NRG1: variants seen among roughly 807,000 people sequenced by gnomAD.
The protein encoded by NRG1 is pro-neuregulin-1, membrane-bound isoform.
A neutral mutation model predicts 63.8 loss-of-function variants in NRG1; 18 were observed. The observed-to-expected ratio is 0.28, with a 90% CI of 0.19 to 0.42. The LOEUF is 0.42. Ranked by LOEUF, NRG1 falls within the 10% of genes least tolerant of loss-of-function variation. The pLI, the probability that NRG1 is intolerant of heterozygous loss-of-function variation, is 1.00. For synonymous variants in NRG1, 302 were observed against 301.3 expected, an observed-to-expected ratio of 1.00 and a Z score of -0.02; for missense variants, 762 against 814.7, an observed-to-expected ratio of 0.94 and a Z score of 0.79.
chr8:32,488,087 T>C (rs1164301306), intron 1 of NRG1, among the ~76,000 whole-genome samples: 1 of 152,196 alleles, frequency 6.6e-6, no homozygotes, highest in Non-Finnish European at 1.5e-5. Flanking sequence ...AGCACTTTCT[T>C]CTCTATTGTG....
At chr8:32,071,896 G>C (rs1825803611) in intron 1 of NRG1, among the ~76,000 whole-genome samples, 1 of 152,146 alleles carries the variant, frequency 6.6e-6, no homozygotes, top group African/African-American at 2.4e-5. Flanking sequence ...TTAACAAATG[G>C]TAAGCATTTT....
rs925963152 is a variant in NRG1, at chr8:32,713,960, G to T, written c.503-13989G>T. Among the ~76,000 whole-genome samples, 4 of 151,952 alleles carry T rather than the reference G, an allele frequency of 2.6e-5. No homozygotes were observed. The East Asian group carries it at 7.7e-4, about 29-fold the overall frequency. On this transcript the variant is annotated intron_variant, in intron 5 of 11. Transcript: ENST00000356819. ...CTGCCTCAGCCTCCCCAGTAGCTGG[G>T]ATTACAGGCACACACCACCATGCCC...
chr8:32,233,536 A>AATATATATATATATATAT (rs71541806), intron 1 of NRG1, among the ~76,000 whole-genome samples: 21 of 88,112 alleles, frequency 2.4e-4, no homozygotes, highest in South Asian at 1.1e-3. Flanking sequence ...AACTCGAAAG[A>AATATATATATATATATAT]ATATATATAT....
exon 1 of NRG1, chr8:32,548,745 G>A: frequency 6.3e-7 from 1 of 1,588,366 alleles, no homozygotes; most frequent in Non-Finnish European, 8.6e-7. Context: ...GCGCAAAGAA[G>A]GCAGAGGCAA....
At chr8:32,262,036 A>T (rs1340389261) in intron 1 of NRG1, among the ~76,000 whole-genome samples, 1 of 152,106 alleles carries the variant, frequency 6.6e-6, no homozygotes, top group African/African-American at 2.4e-5. Context: ...AAACTTACAT[A>T]ACCTTTTTGT....
intron 1 of NRG1, among the ~76,000 whole-genome samples, chr8:32,211,942 T>C (rs1844744762): frequency 6.6e-6 from 1 of 152,184 alleles, no homozygotes. Flanking sequence ...CTTTAGTCCA[T>C]TGATGGCTGT....
chr8:31,898,025 A>G (rs1462072962), intron 1 of NRG1, among the ~76,000 whole-genome samples: 1 of 151,640 alleles, frequency 6.6e-6, no homozygotes, highest in Non-Finnish European at 1.5e-5. Flanking sequence ...CTCAAAAAAA[A>G]AAAAAAAAAA....
At chr8:31,975,122 CTAAG>C (rs1238778007) in intron 1 of NRG1, among the ~76,000 whole-genome samples, 1 of 152,172 alleles carries the variant, frequency 6.6e-6, no homozygotes, top group African/African-American at 2.4e-5. Flanking sequence ...TTGATACCTA[CTAAG>C]TGTCAGATTT....
intron 1 of NRG1, among the ~76,000 whole-genome samples, chr8:31,785,981 G>GT (rs1820134546): frequency 6.6e-6 from 1 of 152,122 alleles, no homozygotes; most frequent in South Asian, 2.1e-4. Context: ...TTCACAGCGT[G>GT]TTACTATAAA....
At chr8:31,965,229 T>G (rs1171200360) in intron 1 of NRG1, among the ~76,000 whole-genome samples, 1 of 10,556 alleles carries the variant, frequency 9.5e-5, no homozygotes, top group Non-Finnish European at 4.5e-4. Flanking sequence ...TGTCTTTTAT[T>G]TTTTTTTTTT....
chr8:32,748,356 C>CAGAGAGAGAG (rs1194142025), intron 7 of NRG1, among the ~76,000 whole-genome samples: 3 of 81,070 alleles, frequency 3.7e-5, no homozygotes, highest in Admixed American at 1.6e-4. Flanking sequence ...CACACACACA[C>CAGAGAGAGAG]ACAGAGAGAG....
intron 1 of NRG1, among the ~76,000 whole-genome samples, chr8:32,443,050 T>A (rs1478722233): frequency 6.6e-6 from 1 of 152,108 alleles, no homozygotes; most frequent in East Asian, 1.9e-4. Context: ...TCCTTCCATC[T>A]TAGCCTCCCA....
At chr8:32,201,581 CACATGAAATGATTCATT>C in intron 1 of NRG1, among the ~76,000 whole-genome samples, 1 of 152,264 alleles carries the variant, frequency 6.6e-6, no homozygotes, top group African/African-American at 2.4e-5. Context: ...AATTTACTTA[CACATGAAATGATTCATT>C]ACATTTTCAA....
chr8:32,078,431 A>T (rs1045242463), intron 1 of NRG1, among the ~76,000 whole-genome samples: 1 of 152,152 alleles, frequency 6.6e-6, no homozygotes, highest in African/African-American at 2.4e-5. Context: ...CAAATCAACC[A>T]CTTTTCTTTA....
intron 1 of NRG1, among the ~76,000 whole-genome samples, chr8:31,775,153 T>A (rs1259979494): frequency 6.6e-6 from 1 of 152,230 alleles, no homozygotes. Flanking sequence ...CATATATTTA[T>A]CACAGTACTA....
At chr8:32,574,046 C>A (rs1839156142) in intron 1 of NRG1, among the ~76,000 whole-genome samples, 1 of 152,152 alleles carries the variant, frequency 6.6e-6, no homozygotes, top group Non-Finnish European at 1.5e-5. Flanking sequence ...TTAATCCAGT[C>A]TATCATTGTT....
intron 1 of NRG1, among the ~76,000 whole-genome samples, chr8:31,764,562 A>G (rs1388613892): frequency 6.6e-6 from 1 of 152,164 alleles, no homozygotes; most frequent in Non-Finnish European, 1.5e-5. Flanking sequence ...TAGCAATTCT[A>G]ATTTTTCTCC....
At chr8:32,106,735 A>G (rs549534019) in intron 1 of NRG1, among the ~76,000 whole-genome samples, 2 of 152,308 alleles carry the variant, frequency 1.3e-5, no homozygotes, top group East Asian at 3.9e-4. Flanking sequence ...AAATGCATAC[A>G]TAATTTACTC....
intron 1 of NRG1, among the ~76,000 whole-genome samples, chr8:32,261,487 G>C (rs1850369569): frequency 6.6e-6 from 1 of 151,990 alleles, no homozygotes; most frequent in Non-Finnish European, 1.5e-5. Context: ...AGACATTGCT[G>C]ACACATGGAC....
Sources: gnomAD v4.1 joint callset for allele counts (sites outside exome capture counted in the v4.1 genomes callset) on GRCh38, gnomAD v4.1.1 for gene constraint, MANE v1.5 for transcripts, NCBI Gene and HGNC (gene_info 2026-07-23, HGNC 2026-07-21) for gene names.